The following TBC1D5 variants were observed in gnomAD, a reference collection of about 807,000 sequenced individuals.
TBC1D5 encodes TBC1 domain family member 5, also known as TBC1 domain family, member 5.
In TBC1D5, 75 loss-of-function variants were observed where a neutral mutation model predicts 100.3. The observed-to-expected ratio is 0.75, with a 90% CI of 0.62 to 0.91. TBC1D5 has a LOEUF of 0.91. Among genes scored for constraint, TBC1D5 ranks in the 40% least tolerant of loss-of-function variants. The probability of loss-of-function intolerance (pLI) is 0.00; values close to 1 mark genes in which losing one functional copy is unlikely to be tolerated. For missense variants in TBC1D5, 910 were observed against 942.4 expected, an observed-to-expected ratio of 0.97 and a Z score of 0.45; for synonymous variants, 323 against 325.6, an observed-to-expected ratio of 0.99 and a Z score of 0.09.
chr3:17,476,550 T>G (rs541987661), intron 3 of TBC1D5, among the ~76,000 whole-genome samples: 27 of 152,004 alleles, frequency 1.8e-4, no homozygotes, highest in Non-Finnish European at 3.1e-4. Flanking sequence ...ATGTGCATGT[T>G]TTTTTTCAGA....
chr3:17,437,618 G>C (rs2094559716), intron 3 of TBC1D5, among the ~76,000 whole-genome samples: 1 of 102,590 alleles, frequency 9.7e-6, no homozygotes, highest in African/African-American at 3.5e-5. Context: ...GACAGAGACA[G>C]AGGTAGAGAG....
At chr3:17,287,470 A>C (rs1393095085) in intron 15 of TBC1D5, among the ~76,000 whole-genome samples, 2 of 152,206 alleles carry the variant, frequency 1.3e-5, no homozygotes, top group Non-Finnish European at 2.9e-5. Context: ...GAATCCGAGG[A>C]GGGAATGAAT....
At position 17,347,954 on chromosome 3, in the gene TBC1D5, G is replaced by C. The variant is rs182064634; in HGVS notation, c.995+24121C>G. ...GGAGCTGGAGGCTGCAGTGAGCTAC[G>C]ATCACATCACTGCACTCCAGCCTGG... is the stretch of plus-strand genomic sequence containing the variant. On this transcript the variant is annotated intron_variant, in intron 13 of 21. Coordinates refer to ENST00000253692, the Ensembl canonical transcript of TBC1D5. 9.7e-4 allele frequency among the ~76,000 whole-genome samples: 147 copies of C among 152,230 alleles called. 2 individuals are homozygous for C. In the East Asian group the frequency reaches 0.027, roughly 28 times the overall value.
intron 13 of TBC1D5, among the ~76,000 whole-genome samples, chr3:17,327,192 T>G (rs1167245583): frequency 6.6e-6 from 1 of 152,174 alleles, no homozygotes; most frequent in Non-Finnish European, 1.5e-5. Context: ...AAAATCTCTG[T>G]CCTCATGAAG....
At chr3:17,613,389 G>C (rs919702950) in intron 2 of TBC1D5, among the ~76,000 whole-genome samples, 10 of 152,108 alleles carry the variant, frequency 6.6e-5, no homozygotes, top group African/African-American at 2.4e-4. Context: ...ACAATCCTTT[G>C]GGTATATACC....
rs369245768 is a variant in TBC1D5 at position 17,669,883 on chromosome 3, T to TTTTG, written c.-100-45974_-100-45971dup. ...ACCGTCCTCTCGACTGTCCCATGTT[T>TTTTG]TTTGTTTGTTTGTTTGTTTGAGATG... On this transcript the variant is annotated intron_variant, in intron 1 of 21. Transcript: ENST00000253692. Among the ~76,000 whole-genome samples the TTTTG allele has an allele frequency of 5.4e-3, 822 of 152,214 alleles. 12 individuals carry two copies. The highest frequency in any genetic ancestry group is 0.019 in the African/African-American group (785 of 41,540).
At chr3:17,693,493 C>T (rs1182431037) in intron 1 of TBC1D5, among the ~76,000 whole-genome samples, 1 of 152,230 alleles carries the variant, frequency 6.6e-6, no homozygotes, top group East Asian at 1.9e-4. Context: ...GCGCAGCAGT[C>T]TGAGATTGAA....
chr3:17,487,786 G>A (rs1301841370), intron 3 of TBC1D5, among the ~76,000 whole-genome samples: 1 of 152,158 alleles, frequency 6.6e-6, no homozygotes, highest in African/African-American at 2.4e-5. Context: ...AATGGAAGAA[G>A]AATCCTGGGA....
At chr3:17,220,078 A>G (rs1177899916) in intron 17 of TBC1D5, among the ~76,000 whole-genome samples, 1 of 152,122 alleles carries the variant, frequency 6.6e-6, no homozygotes, top group Non-Finnish European at 1.5e-5. Context: ...GGTTTCTTCT[A>G]ATGTTTAGCT....
intron 15 of TBC1D5, among the ~76,000 whole-genome samples, chr3:17,291,338 T>C (rs574121053): frequency 3.9e-5 from 6 of 152,236 alleles, no homozygotes; most frequent in Non-Finnish European, 7.3e-5. Context: ...TTTTGGTGAA[T>C]TGCTTTACGC....
rs79047283 is a variant in TBC1D5 at position 17,337,207 on chromosome 3, A to T, written c.996-29073T>A. ...AGTGAGTCTGGGGTGGTGCCTGATA[A>T]TTTATATTTCTAATGAGCTCCCAAG... On this transcript the variant is annotated intron_variant, in intron 13 of 21. Transcript: ENST00000253692. Among the ~76,000 whole-genome samples, 15 of 147,816 alleles carry T rather than the reference A, an allele frequency of 1.0e-4. No individual in the cohort carries two copies. In the East Asian group the frequency reaches 3.0e-3, roughly 29 times the overall value.
chr3:17,298,962 G>A (rs1446914914), intron 14 of TBC1D5, among the ~76,000 whole-genome samples: 2 of 152,126 alleles, frequency 1.3e-5, no homozygotes, highest in African/African-American at 4.8e-5. Flanking sequence ...TACGTACTAT[G>A]CTTTTTTCTA....
chr3:17,587,645 T>C (rs1045780996), intron 2 of TBC1D5, among the ~76,000 whole-genome samples: 4 of 152,030 alleles, frequency 2.6e-5, no homozygotes, highest in African/African-American at 9.7e-5. Context: ...GAACTACGCA[T>C]TACATTGTGA....
At chr3:17,187,440 G>A (rs1160051360) in intron 18 of TBC1D5, among the ~76,000 whole-genome samples, 5 of 152,152 alleles carry the variant, frequency 3.3e-5, no homozygotes, top group Non-Finnish European at 5.9e-5. Context: ...TTCTAGACAC[G>A]TGAATAAAGT....
rs116139415 is a variant in TBC1D5, at chr3:17,510,416, G to A, written c.-35-1811C>T. 9.9e-3 allele frequency among the ~76,000 whole-genome samples: 1,502 copies of A among 152,074 alleles called. 28 individuals are homozygous for A. Among genetic ancestry groups the A allele is most frequent in the African/African-American group, 0.034 (1,406 of 41,518 alleles). ...TGTGGCTAAAACAATATAAGCAGAG[G>A]ATTAGGGAAAACAAAGAATTTGGTA... On this transcript the variant is annotated intron_variant, in intron 2 of 21. Coordinates refer to ENST00000253692, the Ensembl canonical transcript of TBC1D5.
chr3:17,403,480 C>T (rs777654407), intron 7 of TBC1D5, among the ~76,000 whole-genome samples: 7 of 151,982 alleles, frequency 4.6e-5, no homozygotes, highest in Non-Finnish European at 1.0e-4. Flanking sequence ...TAAAGTCAGC[C>T]TTCCTCATCT....
intron 13 of TBC1D5, among the ~76,000 whole-genome samples, chr3:17,337,998 A>G (rs2088211418): frequency 6.6e-6 from 1 of 152,116 alleles, no homozygotes; most frequent in South Asian, 2.1e-4. Flanking sequence ...TCCCAATATA[A>G]TCTCTACTCT....
chr3:17,629,336 CAA>C (rs373130810), intron 1 of TBC1D5, among the ~76,000 whole-genome samples: 2 of 151,996 alleles, frequency 1.3e-5, no homozygotes, highest in African/African-American at 2.4e-5. Flanking sequence ...TAAAAAATTT[CAA>C]AAAAGTGAAA....
chr3:17,317,398 G>C (rs1033272814), intron 13 of TBC1D5, among the ~76,000 whole-genome samples: 18 of 152,252 alleles, frequency 1.2e-4, no homozygotes, highest in African/African-American at 4.1e-4. Flanking sequence ...GAAGGGAAAG[G>C]GCAGTCAACT....
Sources: allele counts gnomAD v4.1 joint callset (sites outside exome capture counted in the v4.1 genomes callset), GRCh38; gene constraint gnomAD v4.1.1; transcripts MANE v1.5; gene names NCBI Gene and HGNC (gene_info 2026-07-23, HGNC 2026-07-21).